The following TLE4 variants were observed in gnomAD, a reference collection of about 807,000 sequenced individuals.
TLE4 encodes TLE family member 4, transcriptional corepressor, also known as transducin-like enhancer protein 4.
TLE4 carries 8 observed loss-of-function variants against 92.8 expected under a neutral mutation model. The ratio of observed to expected loss-of-function variants is 0.09; its 90% CI spans 0.05 to 0.16. The LOEUF is 0.16. TLE4 is among the 10% of genes least tolerant of loss of function. The pLI is 1.00. For synonymous variants in TLE4, 371 were observed against 374.1 expected, an observed-to-expected ratio of 0.99 and a Z score of 0.10; for missense variants, 675 against 997.6, an observed-to-expected ratio of 0.68 and a Z score of 4.36.
At chr9:79,577,193 A>G (rs982167455) in intron 4 of TLE4, among the ~76,000 whole-genome samples, 1 of 152,138 alleles carries the variant, frequency 6.6e-6, no homozygotes, top group African/African-American at 2.4e-5. Flanking sequence ...AAGTTGAGAA[A>G]ATATGAAATG....
intron 8 of TLE4, among the ~76,000 whole-genome samples, chr9:79,697,294 T>C (rs1162223009): frequency 6.6e-6 from 1 of 152,166 alleles, no homozygotes; most frequent in African/African-American, 2.4e-5. Context: ...CAGTTGGCAA[T>C]TTTTATTACA....
At chr9:79,610,640 CG>C (rs2048156799) in intron 4 of TLE4, among the ~76,000 whole-genome samples, 1 of 151,932 alleles carries the variant, frequency 6.6e-6, no homozygotes, top group Non-Finnish European at 1.5e-5. Context: ...AGATCTTTAA[CG>C]GAAGTTTGGA....
At chr9:79,717,259 T>A (rs893525907) in intron 14 of TLE4, among the ~76,000 whole-genome samples, 1 of 152,234 alleles carries the variant, frequency 6.6e-6, no homozygotes, top group Non-Finnish European at 1.5e-5. Flanking sequence ...CCTTGAGTTA[T>A]GCTTTCCTGT....
rs542783687 is a variant in TLE4, at chr9:79,686,823, C to G, written c.610-17960C>G. On this transcript the variant is annotated intron_variant, in intron 8 of 19. Coordinates refer to ENST00000376552, the MANE Select transcript of TLE4 (RefSeq NM_007005.6). ...TTTGTGGTGGTTTGTTGTGGCAGCC[C>G]CAGGAAACTAATAATGGCTCCCAAG... is the stretch of plus-strand genomic sequence containing the variant. 5.1e-4 allele frequency among the ~76,000 whole-genome samples: 77 copies of G among 152,256 alleles called. 1 individual carries two copies. In the South Asian group the frequency reaches 8.3e-3, roughly 16 times the overall value.
intron 4 of TLE4, chr9:79,601,404 G>T (rs1279966514): frequency 1.1e-5 from 5 of 456,462 alleles, no homozygotes; most frequent in Non-Finnish European, 2.2e-5. Flanking sequence ...TTGCTTTATT[G>T]TGCTTCACAG....
intron 4 of TLE4, among the ~76,000 whole-genome samples, chr9:79,598,179 G>A (rs1182339203): frequency 6.6e-6 from 1 of 151,392 alleles, no homozygotes; most frequent in Non-Finnish European, 1.5e-5. Flanking sequence ...AACCCAGGGG[G>A]CGGAGGTTGC....
intron 8 of TLE4, among the ~76,000 whole-genome samples, chr9:79,696,256 T>A (rs1385407947): frequency 6.6e-6 from 1 of 152,260 alleles, no homozygotes; most frequent in Non-Finnish European, 1.5e-5. Context: ...TTTACTGTTA[T>A]ACATTTAAAA....
Position 79,718,949 on chromosome 9 carries a change from C to T in TLE4, c.1568C>T (p.Pro523Leu). 3 of 1,611,634 alleles carry T rather than the reference C, an allele frequency of 1.9e-6. No individual in the cohort carries two copies. The highest frequency in any genetic ancestry group is 1.1e-5 in the South Asian group (1 of 91,038). Residue 523 changes from proline to leucine, a missense_variant, in exon 15 of 20, where the codon CCT (proline) becomes CTT (leucine). By Grantham distance (98) the Pro-to-Leu change is moderately conservative. Coordinates refer to ENST00000376552, the MANE Select transcript of TLE4 (RefSeq NM_007005.6). ...ATCAGCCACCCAGGCAATAAGAGTCCTGTCTCCCAGCTCGACTGTCTGGTG... is the reference window on the plus strand; with the variant it reads ...ATCAGCCACCCAGGCAATAAGAGTCTTGTCTCCCAGCTCGACTGTCTGGTG... ...WDISHPGNKS[P>L]VSQLDCLNRD...
chr9:79,622,481 G>A lies in TLE4; in HGVS notation c.316-4893G>A, dbSNP rs1239115822. Among the ~76,000 whole-genome samples the A allele has an allele frequency of 4.6e-5, 7 of 152,222 alleles. No homozygotes were observed. The East Asian group carries it at 1.4e-3, about 29-fold the overall frequency. ...CCTTCAGGTCTCAGTTGTCAGGTCA[G>A]CTTCCTAAGGGAATCTTCCCCTAGC... On this transcript the variant is annotated intron_variant, in intron 5 of 19. Coordinates refer to ENST00000376552, the MANE Select transcript of TLE4 (RefSeq NM_007005.6).
chr9:79,692,491 A>G (rs1057169765), intron 8 of TLE4, among the ~76,000 whole-genome samples: 4 of 152,184 alleles, frequency 2.6e-5, no homozygotes, highest in Non-Finnish European at 4.4e-5. Context: ...CAGATCCCAG[A>G]AACAATCATG....
intron 19 of TLE4, among the ~76,000 whole-genome samples, 163 bp from the exon 20 acceptor site, chr9:79,724,874 A>C (rs889833393): frequency 1.4e-5 from 2 of 146,896 alleles, no homozygotes; most frequent in Non-Finnish European, 3.0e-5. Flanking sequence ...AAAAAAAAAA[A>C]AAAAAAAGCA....
chr9:79,599,855 T>C (rs1043569608), intron 4 of TLE4, among the ~76,000 whole-genome samples: 2 of 152,202 alleles, frequency 1.3e-5, no homozygotes, highest in African/African-American at 2.4e-5. Context: ...GCCCCAGGGC[T>C]CTCTCTTACA....
At chr9:79,586,392 A>G (rs981305932) in intron 4 of TLE4, among the ~76,000 whole-genome samples, 9 of 151,964 alleles carry the variant, frequency 5.9e-5, no homozygotes, top group African/African-American at 2.2e-4. Flanking sequence ...AAATTGTGTG[A>G]CTTCTGAAAT....
At chr9:79,578,624 G>A (rs1164548758) in intron 4 of TLE4, among the ~76,000 whole-genome samples, 1 of 152,094 alleles carries the variant, frequency 6.6e-6, no homozygotes, top group Admixed American at 6.6e-5. Context: ...TTCTGATAGA[G>A]AACTATAAAA....
intron 8 of TLE4, among the ~76,000 whole-genome samples, chr9:79,672,461 C>T (rs1204189002): frequency 4.6e-5 from 7 of 152,160 alleles, no homozygotes; most frequent in African/African-American, 1.7e-4. Flanking sequence ...TGTTTTTCTA[C>T]ATGTTTTCTA....
rs373530695 is a variant in TLE4 at position 79,573,736 on chromosome 9, C to T, written c.93C>T (p.Ser31=). 22 of 1,607,220 alleles carry T rather than the reference C, an allele frequency of 1.4e-5. 1 individual carries two copies. The highest frequency in any genetic ancestry group is 8.0e-5 in the African/African-American group (6 of 74,870). The change falls in exon 2 of 20, where the codon TCC becomes TCT. Residue 31 remains serine, a synonymous_variant. Transcript: ENST00000376552. The part of the protein sequence containing the change: ...AQPFKFTISE[S]CDRIKEEFQF... ...CCTTTAAATTTACAATTTCCGAATCCTGTGATCGGATTAAGGAAGAGTTTC... is the reference window on the plus strand; with the variant it reads ...CCTTTAAATTTACAATTTCCGAATCTTGTGATCGGATTAAGGAAGAGTTTC...
chr9:79,602,337 C>T (rs1014575196), intron 4 of TLE4, among the ~76,000 whole-genome samples: 1 of 152,214 alleles, frequency 6.6e-6, no homozygotes, highest in African/African-American at 2.4e-5. Context: ...AAGATGCCAT[C>T]TAGGACTTTC....
Position 79,573,684 on chromosome 9 carries a change from T to C in TLE4, c.46-5T>C. ...CTAATTAAATATTTTATTGTTGTTC[T>C]TCAGGCACCGCATCAGCCTGCTCAA... On this transcript the variant is annotated splice_polypyrimidine_tract_variant and splice_region_variant and intron_variant, in intron 1 of 19. Transcript: ENST00000376552. 2 of 1,594,044 alleles carry C rather than the reference T, an allele frequency of 1.3e-6. No individual in the cohort carries two copies. Among genetic ancestry groups the C allele is most frequent in the Non-Finnish European group, 1.7e-6 (2 of 1,165,430 alleles).
chr9:79,614,807 T>G (rs573699610), intron 5 of TLE4, among the ~76,000 whole-genome samples: 3 of 152,264 alleles, frequency 2.0e-5, no homozygotes, highest in Admixed American at 1.3e-4. Flanking sequence ...TTGCAATTTT[T>G]TTTAAGCTCA....
Sources: gnomAD v4.1 joint callset for allele counts (sites outside exome capture counted in the v4.1 genomes callset) on GRCh38, gnomAD v4.1.1 for gene constraint, MANE v1.5 for transcripts, NCBI Gene and HGNC (gene_info 2026-07-23, HGNC 2026-07-21) for gene names.